The following PREX1 variants were observed in gnomAD, a reference collection of about 807,000 sequenced individuals.
PREX1 encodes phosphatidylinositol 3,4,5-trisphosphate-dependent Rac exchanger 1 protein.
PREX1 carries 41 observed loss-of-function variants against 198.3 expected under a neutral mutation model. The ratio of observed to expected loss-of-function variants is 0.21; its 90% CI spans 0.16 to 0.27. The LOEUF (loss-of-function observed/expected upper bound fraction) is 0.27, where lower values mean the gene tolerates loss of function less well. PREX1 is among the 10% of genes least tolerant of loss of function. The probability of loss-of-function intolerance (pLI) is 1.00; values close to 1 mark genes in which losing one functional copy is unlikely to be tolerated. For missense variants in PREX1, 1,620 were observed against 2,200.7 expected (o/e 0.74, Z 5.28); for synonymous variants, 843 against 887.2 (o/e 0.95, Z 0.89).
At position 48,660,040 on chromosome 20, in the gene PREX1, C is replaced by T; in HGVS notation, c.1760G>A (p.Arg587Lys). The change falls in exon 16 of 40, where the codon AGG (arginine) becomes AAG (lysine). Residue 587 changes from arginine (R) to lysine (K), a missense_variant. Transcript: ENST00000371941. The part of the protein sequence containing the change: ...MHHVLEKSEF[R>K]DESQYFRFHA... ...AAAGCGGAAGTACTGGGACTCATCCCTGAACTCGCTCTTCTCCAGCACTGC... is the reference window on the plus strand; with the variant it reads ...AAAGCGGAAGTACTGGGACTCATCCTTGAACTCGCTCTTCTCCAGCACTGC... 6.2e-7 allele frequency: 1 copy of T among 1,614,200 alleles called. No individual in the cohort carries two copies. The highest frequency in any genetic ancestry group is 1.3e-5 in the African/African-American group (1 of 75,064).
At chr20:48,830,528 G>C (rs1359447084), upstream of PREX1, among the ~76,000 whole-genome samples, 1 of 152,180 alleles carries the variant, frequency 6.6e-6, no homozygotes, top group Non-Finnish European at 1.5e-5. Flanking sequence ...AGGAAGGTTA[G>C]CCTCAAGTTT....
At chr20:48,851,568 T>C in the PREX1 span, among the ~76,000 whole-genome samples, 2 of 152,156 alleles carry the variant, frequency 1.3e-5, no homozygotes, top group African/African-American at 4.8e-5. Context: ...GAACAAAAAC[T>C]ACCACTGTCT....
At chr20:48,656,471 C>A (rs1012567695) in intron 18 of PREX1, 14 of 456,628 alleles carry the variant, frequency 3.1e-5, no homozygotes, top group Non-Finnish European at 4.8e-5. Flanking sequence ...CCCTCCCTCT[C>A]ACTCACTGCT....
At chr20:48,705,214 G>C (rs1348474129) in intron 6 of PREX1, among the ~76,000 whole-genome samples, 1 of 152,214 alleles carries the variant, frequency 6.6e-6, no homozygotes, top group Non-Finnish European at 1.5e-5. Flanking sequence ...CCCACGGAGG[G>C]GGTTGTCTCA....
At chr20:48,793,909 T>C (rs1450868004) in intron 1 of PREX1, among the ~76,000 whole-genome samples, 1 of 152,226 alleles carries the variant, frequency 6.6e-6, no homozygotes, top group African/African-American at 2.4e-5. Context: ...GTCCAAGCCC[T>C]TCACATGGCT....
chr20:48,646,176 C>G, intron 25 of PREX1, 119 bp from the exon 26 acceptor site: 1 of 972,090 alleles, frequency 1.0e-6, no homozygotes, highest in Non-Finnish European at 1.5e-6. Flanking sequence ...GGGTGGGAGA[C>G]TCGCAAGTTC....
chr20:48,762,710 T>TC (rs2090187899), intron 1 of PREX1, among the ~76,000 whole-genome samples: 4 of 151,104 alleles, frequency 2.6e-5, no homozygotes. Context: ...TCTTTTTTTT[T>TC]TTTTTTTTTT....
chr20:48,697,702 G>A (rs914026569), intron 7 of PREX1, among the ~76,000 whole-genome samples: 1 of 152,076 alleles, frequency 6.6e-6, no homozygotes, highest in Non-Finnish European at 1.5e-5. Flanking sequence ...TCTTAATGGC[G>A]ACACACTACT....
upstream of PREX1, among the ~76,000 whole-genome samples, chr20:48,828,567 C>T (rs182335559): frequency 7.3e-3 from 1,117 of 152,322 alleles, 6 homozygotes; most frequent in South Asian, 0.011. Context: ...GTGACGGCCC[C>T]TCCCGGGAAC....
rs1227371814 is a variant in PREX1 at position 48,666,583 on chromosome 20, T to A, written c.1666-228A>T. Among the ~76,000 whole-genome samples, 1 of 152,228 alleles carries A rather than the reference T, an allele frequency of 6.6e-6. No homozygotes were observed. Among genetic ancestry groups the A allele is most frequent in the Non-Finnish European group, 1.5e-5 (1 of 68,036 alleles). ...CTCTATCGCCCAGGCTGGAGTGCAG[T>A]GGCACGATCTCGGCTTACTGCAAGC... On this transcript the variant is annotated intron_variant, in intron 14 of 39. Coordinates refer to ENST00000371941, the MANE Select transcript of PREX1 (RefSeq NM_020820.4). The surrounding 1 kb of genome is among the most constrained non-coding windows in gnomAD (Gnocchi z 4.3).
At chr20:48,770,960 C>T (rs2122879460) in intron 1 of PREX1, among the ~76,000 whole-genome samples, 1 of 152,266 alleles carries the variant, frequency 6.6e-6, no homozygotes, top group South Asian at 2.1e-4. Context: ...CTTCCCCAGG[C>T]ACCTGCGATG....
At position 48,690,972 on chromosome 20, in the gene PREX1, G is replaced by A. The variant is rs2089816107; in HGVS notation, c.1161C>T (p.Ile387=). ...TCTCGCGCTGCTCCCGCTCGCGGAT[G>A]ATGGCATCCAGCCACTTCTGCTTCT... ...AEEKQKWLDA[I]IREREQRESL... is the part of the protein sequence containing the mutation. The change falls in exon 9 of 40, where the codon ATC becomes ATT. Residue 387 remains isoleucine, a synonymous_variant. Transcript: ENST00000371941. 1 of 1,614,066 alleles carries A rather than the reference G, an allele frequency of 6.2e-7. No individual in the cohort carries two copies. Among genetic ancestry groups the A allele is most frequent in the East Asian group, 2.2e-5 (1 of 44,900 alleles).
chr20:48,881,312 A>T, the PREX1 span, among the ~76,000 whole-genome samples: 1 of 152,176 alleles, frequency 6.6e-6, no homozygotes, highest in Non-Finnish European at 1.5e-5. Context: ...CCAGCAATAA[A>T]TCCTTTCCAA....
At chr20:48,628,543 G>C (rs1188658485) in intron 37 of PREX1, among the ~76,000 whole-genome samples, 5 of 152,164 alleles carry the variant, frequency 3.3e-5, no homozygotes, top group African/African-American at 1.2e-4. Flanking sequence ...GGGCTGTCCT[G>C]GGAACCACAG....
intron 13 of PREX1, among the ~76,000 whole-genome samples, chr20:48,678,008 G>GA (rs1031373215): frequency 4.0e-5 from 6 of 150,538 alleles, no homozygotes; most frequent in Non-Finnish European, 7.4e-5. Context: ...AAAAGAAAAA[G>GA]AAAAAACCAA....
chr20:48,637,365 G>A (rs1267205792), intron 31 of PREX1, among the ~76,000 whole-genome samples: 3 of 152,174 alleles, frequency 2.0e-5, no homozygotes, highest in Admixed American at 6.5e-5. Context: ...AGATTCTCCC[G>A]CTACCTCCTC....
Position 48,660,045 on chromosome 20 carries a change from C to T in PREX1, c.1755G>A (p.Glu585=). 1 of 1,614,186 alleles carries T rather than the reference C, an allele frequency of 6.2e-7. No individual in the cohort carries two copies. Among genetic ancestry groups the T allele is most frequent in the Non-Finnish European group, 8.5e-7 (1 of 1,180,050 alleles). Residue 585 remains glutamate (E), a synonymous_variant, in exon 16 of 40, where the codon GAG becomes GAA. Coordinates refer to ENST00000371941, the MANE Select transcript of PREX1 (RefSeq NM_020820.4). ...GFMHHVLEKS[E]FRDESQYFRF... Reference sequence around the variant, plus strand: ...GGAAGTACTGGGACTCATCCCTGAACTCGCTCTTCTCCAGCACTGCAGATC... The same window carrying T: ...GGAAGTACTGGGACTCATCCCTGAATTCGCTCTTCTCCAGCACTGCAGATC...
At chr20:48,731,129 T>G (rs1431176298) in intron 4 of PREX1, among the ~76,000 whole-genome samples, 1 of 152,230 alleles carries the variant, frequency 6.6e-6, no homozygotes, top group African/African-American at 2.4e-5. Context: ...TTCACTCTAG[T>G]CACCCTTGGC....
In PREX1 at chr20:48,635,117, C is replaced by T. The variant is rs915578540; in HGVS notation, c.4168-342G>A. On this transcript the variant is annotated intron_variant, in intron 32 of 39. Transcript: ENST00000371941. ...CCCCAATTCCTTCCTCAACCTCCCCCAGTCGGTCCCATGTCAGCAAATAGC... is the reference window on the plus strand; with the variant it reads ...CCCCAATTCCTTCCTCAACCTCCCCTAGTCGGTCCCATGTCAGCAAATAGC... Among the ~76,000 whole-genome samples, 16 of 152,214 alleles carry T rather than the reference C, an allele frequency of 1.1e-4. 1 individual carries two copies. The highest frequency in any genetic ancestry group is 5.8e-4 in the East Asian group (3 of 5,200).
Sources: allele counts gnomAD v4.1 joint callset (sites outside exome capture counted in the v4.1 genomes callset), GRCh38; gene constraint gnomAD v4.1.1; non-coding constraint Gnocchi (gnomAD v3.1); transcripts MANE v1.5; gene names NCBI Gene and HGNC (gene_info 2026-07-23, HGNC 2026-07-21).